The following TOPBP1 variants were observed in gnomAD, a reference collection of about 807,000 sequenced individuals.
TOPBP1 encodes DNA topoisomerase II binding protein 1.
A neutral mutation model predicts 167.7 loss-of-function variants in TOPBP1; 28 were observed. That is an observed-to-expected ratio of 0.17 (90% CI 0.12 to 0.23). The LOEUF is 0.23. Among genes scored for constraint, TOPBP1 ranks in the 10% least tolerant of loss-of-function variants. The pLI, the probability that TOPBP1 is intolerant of heterozygous loss-of-function variation, is 1.00. For synonymous variants in TOPBP1, 598 were observed against 611.4 expected (o/e 0.98, Z 0.32); for missense variants, 1,554 against 1,809.6 (o/e 0.86, Z 2.56).
intron 13 of TOPBP1, among the ~76,000 whole-genome samples, chr3:133,638,720 G>A (rs1247196602): frequency 6.6e-6 from 1 of 152,126 alleles, no homozygotes; most frequent in Non-Finnish European, 1.5e-5. Flanking sequence ...CCTGAAGTTT[G>A]CCCATGGATG....
intron 27 of TOPBP1, 53 bp from the exon 28 acceptor site, chr3:133,601,446 A>G: frequency 7.6e-7 from 1 of 1,311,186 alleles, no homozygotes; most frequent in South Asian, 1.6e-5. Context: ...CATTTACGTG[A>G]TCTGGTAATA....
chr3:133,637,709 C>G (rs750764463), intron 14 of TOPBP1, among the ~76,000 whole-genome samples, 167 bp downstream of exon 14: 1 of 152,200 alleles, frequency 6.6e-6, no homozygotes, highest in African/African-American at 2.4e-5. Context: ...TACCTTAACC[C>G]TAAATGTATG....
chr3:133,605,990 T>C (rs1934479372), intron 27 of TOPBP1, among the ~76,000 whole-genome samples: 1 of 151,942 alleles, frequency 6.6e-6, no homozygotes, highest in South Asian at 2.1e-4. Context: ...GAGACCAGCC[T>C]GGGCAACCTG....
rs753240683 is a variant in TOPBP1 at position 133,644,121 on chromosome 3, T to A, written c.1747A>T (p.Met583Leu). 9 of 1,613,984 alleles carry A rather than the reference T, an allele frequency of 5.6e-6. No individual in the cohort carries two copies. Among genetic ancestry groups the A allele is most frequent in the Non-Finnish European group, 7.6e-6 (9 of 1,179,866 alleles). ...NIIKENAGKI[M>L]SLLSRTVADY... ...GCAACAGTTCTGCTCAGAAGGGACA[T>A]GATTTTCCCAGCATTTTCTTTTATG... Residue 583 changes from methionine to leucine, a missense_variant, in exon 11 of 28, where the codon ATG (methionine) becomes TTG (leucine). Around this residue, in one of 3 missense-constraint regions of TOPBP1, gnomAD observed 1,197 missense variants for 1,351.5 expected, o/e 0.89. Coordinates refer to ENST00000260810, the MANE Select transcript of TOPBP1 (RefSeq NM_007027.4).
chr3:133,650,353 T>TTG lies in TOPBP1; in HGVS notation c.1090-412_1090-411dup, dbSNP rs141835340. Among the ~76,000 whole-genome samples the TTG allele has an allele frequency of 7.3e-4, 73 of 99,496 alleles. No individual in the cohort carries two copies. The East Asian group carries it at 8.0e-3, about 11-fold the overall frequency. 65.3% of individuals were successfully genotyped at this position (99,496 alleles called of 152,430 possible). The stretch of plus-strand genomic sequence containing the variant: ...TGAATTCTGAACACCTGGGCTTAAA[T>TTG]TGTGTGTGTGTGGGGGGCGGGGGGA... On this transcript the variant is annotated intron_variant, in intron 8 of 27. Coordinates refer to ENST00000260810, the MANE Select transcript of TOPBP1 (RefSeq NM_007027.4).
intron 10 of TOPBP1, among the ~76,000 whole-genome samples, chr3:133,645,717 T>C (rs2107817961): frequency 6.6e-6 from 1 of 152,344 alleles, no homozygotes; most frequent in East Asian, 1.9e-4. Context: ...AGTAAAACTC[T>C]GAAGTTATTA....
At chr3:133,642,343 C>G (rs1340584149) in intron 12 of TOPBP1, among the ~76,000 whole-genome samples, 1 of 150,570 alleles carries the variant, frequency 6.6e-6, no homozygotes. Flanking sequence ...CAAATAATGG[C>G]AACTTTAAAG....
intron 23 of TOPBP1, among the ~76,000 whole-genome samples, chr3:133,613,042 G>A (rs886581036): frequency 6.6e-6 from 1 of 151,970 alleles, no homozygotes; most frequent in African/African-American, 2.4e-5. Flanking sequence ...TGTATTTTTA[G>A]TAAACACAGG....
At position 133,617,272 on chromosome 3, in the gene TOPBP1, G is replaced by A. The variant is rs1390071957; in HGVS notation, c.3647C>T (p.Ser1216Phe). ...RVTEAPKHPI[S>F]EELETPIKDS... ...TTTTATGGGAGTTTCCAGTTCTTCA[G>A]AGATTGGGTGTTTGGGAGCTTCAGT... The change falls in exon 22 of 28, where the codon TCT becomes TTT. Residue 1216 changes from serine to phenylalanine, a missense_variant. Coordinates refer to ENST00000260810, the MANE Select transcript of TOPBP1 (RefSeq NM_007027.4). 2.5e-6 allele frequency: 4 copies of A among 1,613,722 alleles called. No individual in the cohort carries two copies. The East Asian group carries it at 6.7e-5, about 27-fold the overall frequency.
Position 133,636,785 on chromosome 3 carries a change from A to C in TOPBP1, c.2520+1091T>G, listed in dbSNP as rs903097999. ...CCGAAAGAGGTTGACTTGCTTTTAA[A>C]AGGCAGTAGGAGGCAAAGAAGAGGC... On this transcript the variant is annotated intron_variant, in intron 14 of 27. Coordinates refer to ENST00000260810, the MANE Select transcript of TOPBP1 (RefSeq NM_007027.4). Among the ~76,000 whole-genome samples the C allele has an allele frequency of 1.3e-5, 2 of 152,168 alleles. 1 individual carries two copies. Among genetic ancestry groups the C allele is most frequent in the South Asian group, 4.1e-4 (2 of 4,830 alleles).
In TOPBP1 at chr3:133,643,894, A is replaced by G. The variant is rs867953626; in HGVS notation, c.1848+126T>C. On this transcript the variant is annotated intron_variant, in intron 11 of 27. Transcript: ENST00000260810. ...ATTTTGAATTTCCCTTGCTAAAAGC[A>G]AAATCAAGAGTGTTCAAGTCCAAGC... 2.9e-6 allele frequency: 3 copies of G among 1,034,846 alleles called. No individual in the cohort carries two copies. In the Middle Eastern group the frequency reaches 6.4e-4, roughly 220 times the overall value. The allele number at this position is 1,034,846 out of a possible 1,614,324, so 64.1% of individuals were successfully genotyped here. A position where few individuals can be genotyped will look rare whatever the true frequency, so the allele number is the denominator to read the frequency against.
intron 14 of TOPBP1, among the ~76,000 whole-genome samples, chr3:133,632,671 G>A (rs151022646): frequency 2.2e-4 from 33 of 152,266 alleles, no homozygotes; most frequent in African/African-American, 7.2e-4. Flanking sequence ...TACTTAAGAA[G>A]TAGATCCCAA....
intron 11 of TOPBP1, among the ~76,000 whole-genome samples, chr3:133,643,597 C>A (rs1297829803): frequency 1.3e-5 from 2 of 151,886 alleles, no homozygotes; most frequent in African/African-American, 4.8e-5. Flanking sequence ...CTATTAAAAT[C>A]GGTAAGATCT....
Position 133,624,160 on chromosome 3 carries a change from T to G in TOPBP1, c.2820A>C (p.Glu940Asp). ...LGADYRWSFD[E>D]TVTHFIYQGR... ...CTTGATAGATGAAATGAGTCACTGT[T>G]TCATCAAAACTCCACCTGAAATAAC... The change falls in exon 17 of 28, where the codon GAA (glutamate) becomes GAC (aspartate). Residue 940 changes from glutamate (E) to aspartate (D), a missense_variant. Glu to Asp is a conservative substitution (Grantham distance 45, BLOSUM62 2). Around this residue, in one of 3 missense-constraint regions of TOPBP1, gnomAD observed 1,197 missense variants for 1,351.5 expected, o/e 0.89. Transcript: ENST00000260810. 1 of 1,613,566 alleles carries G rather than the reference T, an allele frequency of 6.2e-7. No individual in the cohort carries two copies. The highest frequency in any genetic ancestry group is 1.1e-5 in the South Asian group (1 of 91,012).
intron 3 of TOPBP1, among the ~76,000 whole-genome samples, chr3:133,658,471 GAAA>G (rs63201860): frequency 7.1e-6 from 1 of 141,776 alleles, no homozygotes; most frequent in Non-Finnish European, 1.5e-5. Context: ...TATAACAAAA[GAAA>G]AAAAAAAAGA....
In TOPBP1 at chr3:133,640,129, C is replaced by A. The variant is rs764898539; in HGVS notation, c.2063G>T (p.Gly688Val). The change falls in exon 13 of 28, where the codon GGC (glycine) becomes GTC (valine). Residue 688 changes from glycine to valine, a missense_variant. Gly to Val is a moderately radical substitution (Grantham distance 109). Around this residue, in one of 3 missense-constraint regions of TOPBP1, gnomAD observed 1,197 missense variants for 1,351.5 expected, o/e 0.89. Coordinates refer to ENST00000260810, the MANE Select transcript of TOPBP1 (RefSeq NM_007027.4). ...TATAAGATGAGTACTGGCAAACATG[C>A]CTTTCTTTGCATTGGATTTGCGAAC... ...YFVRKSNAKK[G>V]MFASTHLILK... The A allele has an allele frequency of 2.2e-5, 36 of 1,613,688 alleles. No homozygotes were observed. The highest frequency in any genetic ancestry group is 2.5e-5 in the Non-Finnish European group (30 of 1,179,800).
chr3:133,644,757 T>C (rs919521837), intron 10 of TOPBP1, among the ~76,000 whole-genome samples: 9 of 152,196 alleles, frequency 5.9e-5, no homozygotes, highest in Non-Finnish European at 1.3e-4. Context: ...GTCCTTAACA[T>C]GGAACATGTT....
Position 133,649,437 on chromosome 3 carries a change from C to T in TOPBP1, c.1450G>A (p.Glu484Lys). 6.2e-7 allele frequency: 1 copy of T among 1,613,864 alleles called. No individual in the cohort carries two copies. Among genetic ancestry groups the T allele is most frequent in the Middle Eastern group, 1.7e-4 (1 of 6,060 alleles). Reference protein sequence around the residue: ...KKDFAPSEKHEQADEDLLSQY... With the variant: ...KKDFAPSEKHKQADEDLLSQY... Reference sequence around the variant, plus strand: ...GAGAGCAGATCTTCATCAGCTTGCTCATGCTTTTCACTAGGAGCAAAGTCT... The same window carrying T: ...GAGAGCAGATCTTCATCAGCTTGCTTATGCTTTTCACTAGGAGCAAAGTCT... Residue 484 changes from glutamate to lysine, a missense_variant, in exon 10 of 28, where the codon GAG becomes AAG. By Grantham distance (56) the Glu-to-Lys change is moderately conservative. Around this residue, in one of 3 missense-constraint regions of TOPBP1, gnomAD observed 1,197 missense variants for 1,351.5 expected, o/e 0.89. Coordinates refer to ENST00000260810, the MANE Select transcript of TOPBP1 (RefSeq NM_007027.4).
chr3:133,646,206 C>T (rs1465181060), intron 10 of TOPBP1, among the ~76,000 whole-genome samples: 1 of 152,000 alleles, frequency 6.6e-6, no homozygotes, highest in Non-Finnish European at 1.5e-5. Context: ...TTATAAAATA[C>T]TTTATTATAG....
Sources: allele counts gnomAD v4.1 joint callset (sites outside exome capture counted in the v4.1 genomes callset), GRCh38; gene constraint gnomAD v4.1.1; regional missense constraint gnomAD v4.1.1; transcripts MANE v1.5; gene names NCBI Gene and HGNC (gene_info 2026-07-23, HGNC 2026-07-21).